DNAJC13: variants seen among roughly 807,000 people sequenced by gnomAD.
The protein encoded by DNAJC13 is DnaJ heat shock protein family (Hsp40) member C13.
Under a neutral mutation model 290.5 loss-of-function variants are expected in DNAJC13, and 75 were observed. The observed-to-expected ratio is 0.26, with a 90% CI of 0.21 to 0.31. The LOEUF (loss-of-function observed/expected upper bound fraction) is 0.31. DNAJC13 is among the 10% of genes least tolerant of loss of function. The pLI, the probability that DNAJC13 is intolerant of heterozygous loss-of-function variation, is 1.00. For synonymous variants in DNAJC13, 862 were observed against 892.0 expected, an observed-to-expected ratio of 0.97 and a Z score of 0.60; for missense variants, 2,260 against 2,674.5, an observed-to-expected ratio of 0.85 and a Z score of 3.42.
intron 1 of DNAJC13, among the ~76,000 whole-genome samples, chr3:132,430,105 T>C (rs987894352): frequency 1.3e-5 from 2 of 152,110 alleles, no homozygotes; most frequent in Admixed American, 1.3e-4. Flanking sequence ...AGTTTACTTT[T>C]ATCTTAATGT....
intron 41 of DNAJC13, 101 bp from the exon 42 acceptor site, chr3:132,505,201 C>T (rs1460068265): frequency 1.4e-6 from 1 of 691,914 alleles, no homozygotes; most frequent in Admixed American, 2.8e-5. Flanking sequence ...ATACTATAGG[C>T]AACTATTATA....
intron 2 of DNAJC13, 149 bp downstream of exon 2, chr3:132,434,767 C>T: frequency 9.6e-6 from 5 of 523,286 alleles, no homozygotes; most frequent in South Asian, 4.2e-5. Flanking sequence ...GTAAATGCTA[C>T]ATGTATTTTT....
rs114893210 is a variant in DNAJC13, at chr3:132,530,440, A to G, written c.6526-558A>G. On this transcript the variant is annotated intron_variant, in intron 54 of 55. Coordinates refer to ENST00000260818, the MANE Select transcript of DNAJC13 (RefSeq NM_015268.4). The stretch of plus-strand genomic sequence containing the variant: ...ATATTCCCACACATGTATTATTTAT[A>G]CTCATATATGTGTATGTATTTCAAG... Among the ~76,000 whole-genome samples, 672 of 152,284 alleles carry G rather than the reference A, an allele frequency of 4.4e-3. 6 individuals are homozygous for G. The highest frequency in any genetic ancestry group is 0.014 in the African/African-American group (600 of 41,556).
At chr3:132,470,598 G>C (rs1382693628) in intron 20 of DNAJC13, among the ~76,000 whole-genome samples, 5 of 140,964 alleles carry the variant, frequency 3.5e-5, no homozygotes, top group Admixed American at 2.1e-4. Flanking sequence ...CGGACGGGGC[G>C]GCTGGCCGGG....
chr3:132,441,993 A>G (rs1215560414), intron 2 of DNAJC13, among the ~76,000 whole-genome samples: 1 of 148,326 alleles, frequency 6.7e-6, no homozygotes, highest in Non-Finnish European at 1.5e-5. Flanking sequence ...AGAGTATCTG[A>G]CCTAACACAT....
At chr3:132,436,463 T>A (rs1022161378) in intron 2 of DNAJC13, among the ~76,000 whole-genome samples, 1 of 152,232 alleles carries the variant, frequency 6.6e-6, no homozygotes, top group Non-Finnish European at 1.5e-5. Flanking sequence ...TGACAGACAT[T>A]TGTGTTGTTC....
chr3:132,428,774 A>G (rs1391244659), intron 1 of DNAJC13, among the ~76,000 whole-genome samples: 1 of 152,232 alleles, frequency 6.6e-6, no homozygotes, highest in Non-Finnish European at 1.5e-5. Flanking sequence ...CTGCTCTGTC[A>G]GCCCGGATGG....
intron 33 of DNAJC13, among the ~76,000 whole-genome samples, chr3:132,493,421 C>CA (rs1002282382): frequency 1.3e-5 from 2 of 152,078 alleles, no homozygotes; most frequent in African/African-American, 4.8e-5. Context: ...CAGGATTCAA[C>CA]ATGAGATACT....
chr3:132,531,209 C>G (rs1936405912), intron 55 of DNAJC13, 112 bp downstream of exon 55: 1 of 866,452 alleles, frequency 1.2e-6, no homozygotes, highest in Non-Finnish European at 1.8e-6. Flanking sequence ...AGGCTACCAG[C>G]TGACCTTTCT....
chr3:132,442,785 T>C (rs910763504), intron 2 of DNAJC13, among the ~76,000 whole-genome samples: 8 of 152,206 alleles, frequency 5.3e-5, no homozygotes, highest in Non-Finnish European at 1.0e-4. Context: ...ATGATGTAAG[T>C]TTAGTGCCTG....
intron 2 of DNAJC13, among the ~76,000 whole-genome samples, chr3:132,443,497 C>T (rs1433115829): frequency 6.6e-6 from 1 of 152,218 alleles, no homozygotes; most frequent in Non-Finnish European, 1.5e-5. Context: ...ATATTCTATA[C>T]ATGCGAGACA....
intron 13 of DNAJC13, among the ~76,000 whole-genome samples, chr3:132,459,937 T>C (rs1933734662): frequency 6.6e-6 from 1 of 152,212 alleles, no homozygotes; most frequent in South Asian, 2.1e-4. Context: ...CTAAGTTTTA[T>C]TTCAAATTTT....
At chr3:132,524,642 T>C (rs1936194906) in intron 51 of DNAJC13, among the ~76,000 whole-genome samples, 1 of 152,260 alleles carries the variant, frequency 6.6e-6, no homozygotes, top group African/African-American at 2.4e-5. Context: ...TTACCAGTGC[T>C]ACTTTCCATA....
At chr3:132,518,540 G>A (rs1255255217) in intron 48 of DNAJC13, among the ~76,000 whole-genome samples, 1 of 151,890 alleles carries the variant, frequency 6.6e-6, no homozygotes, top group African/African-American at 2.4e-5. Flanking sequence ...TTTTTGTAGA[G>A]GTGGAAAGGT....
intron 36 of DNAJC13, among the ~76,000 whole-genome samples, chr3:132,498,506 A>T (rs752190864): frequency 6.6e-6 from 1 of 152,186 alleles, no homozygotes; most frequent in Non-Finnish European, 1.5e-5. Context: ...TCTGCAAAGG[A>T]TCAAAACTAT....
At chr3:132,501,016 T>G in intron 39 of DNAJC13, 103 bp downstream of exon 39, 1 of 1,375,088 alleles carries the variant, frequency 7.3e-7, no homozygotes, top group South Asian at 1.4e-5. Flanking sequence ...CAAAGTTATT[T>G]GTAAGTAAAA....
rs781343713 is a variant in DNAJC13, at chr3:132,525,699, T to G, written c.6150T>G (p.His2050Gln). Residue 2050 changes from histidine to glutamine, a missense_variant, in exon 52 of 56, where the codon CAT becomes CAG. Physicochemically the swap from His to Gln is conservative, Grantham distance 24 (BLOSUM62 0). Coordinates refer to ENST00000260818, the MANE Select transcript of DNAJC13 (RefSeq NM_015268.4). ...CAGATCAGGTCCCGCCATTGGGCCA[T>G]CTTCCCAAAGTTATCCAGGCAATGA... The part of the protein sequence containing the change: ...QLADQVPPLG[H>Q]LPKVIQAMNH... The G allele has an allele frequency of 5.9e-5, 96 of 1,614,098 alleles. No homozygotes were observed. The Admixed American group carries it at 1.6e-3, about 27-fold the overall frequency.
intron 20 of DNAJC13, among the ~76,000 whole-genome samples, chr3:132,470,815 G>A (rs1357395453): frequency 7.0e-5 from 9 of 127,990 alleles, no homozygotes; most frequent in African/African-American, 3.1e-4. Context: ...CCTCCCTCCT[G>A]GACAGGGCGG....
intron 20 of DNAJC13, chr3:132,472,446 TTAAAG>T (rs1339826414): frequency 3.5e-5 from 21 of 592,846 alleles, no homozygotes; most frequent in Middle Eastern, 8.8e-4. Context: ...TATTTTAGTC[TTAAAG>T]TAAAGATAAT....
Sources: allele counts gnomAD v4.1 joint callset (sites outside exome capture counted in the v4.1 genomes callset), GRCh38; gene constraint gnomAD v4.1.1; transcripts MANE v1.5; gene names NCBI Gene and HGNC (gene_info 2026-07-23, HGNC 2026-07-21).